The following CTNNA3 variants were observed in gnomAD, a reference collection of about 807,000 sequenced individuals.
CTNNA3 encodes catenin alpha-3.
CTNNA3 carries 76 observed loss-of-function variants against 95.7 expected under a neutral mutation model. The observed-to-expected ratio is 0.79, with a 90% CI of 0.66 to 0.96. CTNNA3 has a LOEUF of 0.96. Ranked by LOEUF, CTNNA3 falls within the 40% of genes least tolerant of loss-of-function variation. The pLI is 0.00. For synonymous variants in CTNNA3, 431 were observed against 374.4 expected (o/e 1.15, Z -1.74); for missense variants, 1,191 against 1,089.8 (o/e 1.09, Z -1.31).
intron 7 of CTNNA3, among the ~76,000 whole-genome samples, chr10:66,789,291 C>G (rs2132872881): frequency 6.6e-6 from 1 of 152,180 alleles, no homozygotes; most frequent in South Asian, 2.1e-4. Flanking sequence ...CTTCTCCTGA[C>G]AGCCTCCCGA....
At chr10:66,003,307 T>TGGC (rs1023601837) in intron 15 of CTNNA3, among the ~76,000 whole-genome samples, 6 of 150,398 alleles carry the variant, frequency 4.0e-5, no homozygotes, top group African/African-American at 1.2e-4. Flanking sequence ...TTGCTGCTGG[T>TGGC]GGCGGTGGTG....
At chr10:67,302,543 ATTG>A (rs1344118804) in intron 5 of CTNNA3, among the ~76,000 whole-genome samples, 3 of 152,220 alleles carry the variant, frequency 2.0e-5, no homozygotes, top group Non-Finnish European at 2.9e-5. Flanking sequence ...AATATAAACA[ATTG>A]TTGTCAATTA....
intron 12 of CTNNA3, among the ~76,000 whole-genome samples, chr10:66,284,694 A>T (rs1035530112): frequency 3.3e-5 from 5 of 151,974 alleles, no homozygotes; most frequent in African/African-American, 4.8e-5. Flanking sequence ...ATAATGATCT[A>T]AAAATGATAT....
intron 2 of CTNNA3, among the ~76,000 whole-genome samples, chr10:67,632,265 A>T (rs1486352510): frequency 6.6e-6 from 1 of 151,450 alleles, no homozygotes. Flanking sequence ...GTACACCCTG[A>T]ATGTACAGAA....
At chr10:67,327,883 G>A (rs1414719384) in intron 5 of CTNNA3, among the ~76,000 whole-genome samples, 1 of 152,168 alleles carries the variant, frequency 6.6e-6, no homozygotes, top group Non-Finnish European at 1.5e-5. Context: ...GCTCAGGAGT[G>A]GGGCACTGAT....
At chr10:65,954,072 G>A (rs990382168) in intron 17 of CTNNA3, among the ~76,000 whole-genome samples, 6 of 152,162 alleles carry the variant, frequency 3.9e-5, no homozygotes, top group Non-Finnish European at 8.8e-5. Flanking sequence ...TTTAATGATC[G>A]CCATTCTAAC....
chr10:66,389,669 C>T (rs773225097), intron 11 of CTNNA3, among the ~76,000 whole-genome samples: 8 of 150,974 alleles, frequency 5.3e-5, no homozygotes, highest in Non-Finnish European at 8.8e-5. Context: ...TTTTGAAATG[C>T]ATTTTTAAAA....
At chr10:67,136,947 G>A (rs1435579285) in intron 7 of CTNNA3, among the ~76,000 whole-genome samples, 2 of 152,094 alleles carry the variant, frequency 1.3e-5, no homozygotes, top group East Asian at 3.9e-4. Flanking sequence ...AGAGAGTAGG[G>A]GGCATATAAA....
chr10:67,357,545 C>T (rs1261704638), intron 5 of CTNNA3, among the ~76,000 whole-genome samples: 1 of 151,936 alleles, frequency 6.6e-6, no homozygotes, highest in Non-Finnish European at 1.5e-5. Flanking sequence ...CAAAAGAAGA[C>T]TTCAGAAAAT....
intron 12 of CTNNA3, among the ~76,000 whole-genome samples, chr10:66,350,459 G>A (rs1163933042): frequency 6.6e-6 from 1 of 151,822 alleles, no homozygotes; most frequent in Non-Finnish European, 1.5e-5. Flanking sequence ...AATGTTGAAC[G>A]AATTTATCTG....
At chr10:67,019,346 G>A (rs532248762) in intron 7 of CTNNA3, among the ~76,000 whole-genome samples, 3 of 152,264 alleles carry the variant, frequency 2.0e-5, no homozygotes, top group Admixed American at 6.5e-5. Context: ...ACCCTCCCAA[G>A]TAGCTGGGAT....
At chr10:67,062,575 A>T (rs1426629630) in intron 7 of CTNNA3, among the ~76,000 whole-genome samples, 1 of 152,118 alleles carries the variant, frequency 6.6e-6, no homozygotes, top group Non-Finnish European at 1.5e-5. Context: ...CAAACTTAGA[A>T]CACAAAATAT....
intron 7 of CTNNA3, among the ~76,000 whole-genome samples, chr10:67,126,096 G>A (rs1002968353): frequency 6.6e-6 from 1 of 152,130 alleles, no homozygotes; most frequent in Non-Finnish European, 1.5e-5. Flanking sequence ...CAGCATAAAA[G>A]ACATTGTGGA....
At chr10:66,184,978 G>A (rs1405302006) in intron 13 of CTNNA3, among the ~76,000 whole-genome samples, 1 of 152,160 alleles carries the variant, frequency 6.6e-6, no homozygotes, top group African/African-American at 2.4e-5. Flanking sequence ...ATATTCACTG[G>A]AAGAGTATTT....
chr10:66,442,976 A>G (rs1407380172), intron 11 of CTNNA3, among the ~76,000 whole-genome samples: 1 of 152,188 alleles, frequency 6.6e-6, no homozygotes, highest in Non-Finnish European at 1.5e-5. Flanking sequence ...CACTTTTCCA[A>G]TGGGCTTAAA....
chr10:66,334,921 G>A (rs2092377234), intron 12 of CTNNA3, among the ~76,000 whole-genome samples: 1 of 152,026 alleles, frequency 6.6e-6, no homozygotes, highest in South Asian at 2.1e-4. Context: ...TGGAGGCTTT[G>A]TTTGTTTCTT....
intron 16 of CTNNA3, among the ~76,000 whole-genome samples, chr10:65,975,824 T>C (rs566647392): frequency 6.6e-6 from 1 of 152,144 alleles, no homozygotes; most frequent in Non-Finnish European, 1.5e-5. Flanking sequence ...TAATCTCTTC[T>C]ATAGGGCATT....
At chr10:66,109,647 C>G (rs941455498) in intron 13 of CTNNA3, among the ~76,000 whole-genome samples, 11 of 152,112 alleles carry the variant, frequency 7.2e-5, no homozygotes, top group Admixed American at 5.2e-4. Flanking sequence ...AATAAATTTA[C>G]TTGCAAATAA....
intron 15 of CTNNA3, among the ~76,000 whole-genome samples, chr10:65,992,963 C>T (rs2078575103): frequency 6.6e-6 from 1 of 151,938 alleles, no homozygotes; most frequent in South Asian, 2.1e-4. Context: ...TTTTCAGAAA[C>T]TTGTTTGATT....
Sources: allele counts gnomAD v4.1 joint callset (sites outside exome capture counted in the v4.1 genomes callset), GRCh38; gene constraint gnomAD v4.1.1; transcripts MANE v1.5; gene names NCBI Gene and HGNC (gene_info 2026-07-23, HGNC 2026-07-21).